The following SH3RF3 variants were observed in gnomAD, a reference collection of about 807,000 sequenced individuals.
SH3RF3 encodes the protein SH3 domain containing ring finger 3, also known as E3 ubiquitin-protein ligase SH3RF3.
Under a neutral mutation model 66.3 loss-of-function variants are expected in SH3RF3, and 29 were observed. The ratio of observed to expected loss-of-function variants is 0.44; its 90% confidence interval spans 0.33 to 0.60. The LOEUF (loss-of-function observed/expected upper bound fraction) is 0.60. SH3RF3 is among the 20% of genes least tolerant of loss of function. The probability of loss-of-function intolerance (pLI) is 0.04; values close to 1 mark genes in which losing one functional copy is unlikely to be tolerated. For missense variants in SH3RF3, 1,194 were observed against 1,190.9 expected (o/e 1.00, Z -0.04); for synonymous variants, 583 against 532.0 (o/e 1.10, Z -1.32).
intron 3 of SH3RF3, among the ~76,000 whole-genome samples, chr2:109,383,840 A>G (rs547020987): frequency 7.9e-5 from 12 of 152,282 alleles, no homozygotes; most frequent in African/African-American, 2.9e-4. Context: ...GTTTTCAGTG[A>G]TCAGTCCGTC....
chr2:109,225,539 C>T (rs1679354912), intron 1 of SH3RF3, among the ~76,000 whole-genome samples: 2 of 152,244 alleles, frequency 1.3e-5, no homozygotes, highest in South Asian at 4.1e-4. Flanking sequence ...GAGTTTTCTC[C>T]TGAGAGTTAG....
At chr2:109,133,722 ATTTTTTTTTT>A (rs35011575) in intron 1 of SH3RF3, among the ~76,000 whole-genome samples, 1 of 128,864 alleles carries the variant, frequency 7.8e-6, no homozygotes, top group African/African-American at 2.7e-5. Context: ...CCAAGGGACA[ATTTTTTTTTT>A]TTTTTTTTTG....
At chr2:109,276,392 G>A (rs913657023) in intron 1 of SH3RF3, among the ~76,000 whole-genome samples, 5 of 152,206 alleles carry the variant, frequency 3.3e-5, no homozygotes, top group African/African-American at 4.8e-5. Context: ...ACTGGGTGAT[G>A]GCCTGAGAGT....
intron 3 of SH3RF3, among the ~76,000 whole-genome samples, chr2:109,393,739 G>C (rs2104421405): frequency 6.6e-6 from 1 of 152,010 alleles, no homozygotes; most frequent in Non-Finnish European, 1.5e-5. Context: ...CTCCACTCTG[G>C]GTCAGTGCAG....
At chr2:109,406,761 A>AT (rs1393508289) in intron 4 of SH3RF3, among the ~76,000 whole-genome samples, 1 of 151,766 alleles carries the variant, frequency 6.6e-6, no homozygotes, top group African/African-American at 2.4e-5. Flanking sequence ...CTGGTGTAGA[A>AT]TGTCTCCAGG....
chr2:109,259,024 G>C (rs974449751), intron 1 of SH3RF3, among the ~76,000 whole-genome samples: 3 of 152,224 alleles, frequency 2.0e-5, no homozygotes, highest in Non-Finnish European at 2.9e-5. Context: ...TGTGTAGGCT[G>C]CCTCGGGAAG....
chr2:109,427,037 C>T (rs1385010703), intron 5 of SH3RF3, among the ~76,000 whole-genome samples: 1 of 152,006 alleles, frequency 6.6e-6, no homozygotes, highest in Non-Finnish European at 1.5e-5. Context: ...GGCATGATCT[C>T]AGCTCACTGG....
intron 1 of SH3RF3, among the ~76,000 whole-genome samples, chr2:109,190,655 C>G (rs1678329059): frequency 6.6e-6 from 1 of 152,108 alleles, no homozygotes; most frequent in South Asian, 2.1e-4. Context: ...CTTATTGTTT[C>G]ATTTCTACAG....
rs187484054 is a variant in SH3RF3, at chr2:109,219,145, C to A, written c.573+89032C>A. 5.3e-5 allele frequency among the ~76,000 whole-genome samples: 8 copies of A among 152,328 alleles called. No homozygotes were observed. The East Asian group carries it at 1.2e-3, about 22-fold the overall frequency. ...TGGAGTTCCACCTCTCTCGCTCACA[C>A]CCCATTCACAATGAGGATAGAGGGG... On this transcript the variant is annotated intron_variant, in intron 1 of 9. Coordinates refer to ENST00000309415, the MANE Select transcript of SH3RF3 (RefSeq NM_001099289.3).
In SH3RF3 at chr2:109,501,518, C is replaced by T. The variant is rs1461472157; in HGVS notation, c.2496C>T (p.Val832=). 1 of 778,528 alleles carries T rather than the reference C, an allele frequency of 1.3e-6. No homozygotes were observed. Among genetic ancestry groups the T allele is most frequent in the Non-Finnish European group, 2.4e-6 (1 of 417,090 alleles). The allele number at this position is 778,528 out of a possible 1,614,324, so 48.2% of individuals were successfully genotyped here. A position where few individuals can be genotyped will look rare whatever the true frequency, so the allele number is the denominator to read the frequency against. Reference sequence around the variant, plus strand: ...GTTTCCCCAGGTACCGCGTGGTGGTCTCGTACCCACCCCAGAGTGAGGCGG... The same window carrying T: ...GTTTCCCCAGGTACCGCGTGGTGGTTTCGTACCCACCCCAGAGTGAGGCGG... The part of the protein sequence containing the change: ...LLPRERYRVV[V]SYPPQSEAEI... Residue 832 remains valine (V), a synonymous_variant, in exon 10 of 10, where the codon GTC becomes GTT. Coordinates refer to ENST00000309415, the MANE Select transcript of SH3RF3 (RefSeq NM_001099289.3).
At chr2:109,263,456 A>C (rs545629375) in intron 1 of SH3RF3, among the ~76,000 whole-genome samples, 29 of 152,318 alleles carry the variant, frequency 1.9e-4, no homozygotes, top group African/African-American at 7.0e-4. Context: ...TAAGTAATGA[A>C]ATAGTAGCTA....
chr2:109,187,856 G>C (rs1392823950), intron 1 of SH3RF3, among the ~76,000 whole-genome samples: 1 of 152,184 alleles, frequency 6.6e-6, no homozygotes. Context: ...TTATCAGCAC[G>C]GACTGGGTGC....
At chr2:109,346,626 T>TC (rs397796442) in intron 1 of SH3RF3, among the ~76,000 whole-genome samples, 1 of 150,192 alleles carries the variant, frequency 6.7e-6, no homozygotes, top group African/African-American at 2.5e-5. Flanking sequence ...CAGATGGACT[T>TC]GATGAGACAG....
rs555308213 is a variant in SH3RF3 at position 109,195,896 on chromosome 2, C to T, written c.573+65783C>T. The stretch of plus-strand genomic sequence containing the variant: ...GGTCTCTCGAATTTCCCTTCCACCT[C>T]TCAGGGTTGCATTATCTCATTACTG... On this transcript the variant is annotated intron_variant, in intron 1 of 9. Coordinates refer to ENST00000309415, the MANE Select transcript of SH3RF3 (RefSeq NM_001099289.3). Among the ~76,000 whole-genome samples, 36 of 152,338 alleles carry T rather than the reference C, an allele frequency of 2.4e-4. 1 individual carries two copies. In the South Asian group the frequency reaches 6.2e-3, roughly 26 times the overall value.
chr2:109,211,440 G>A (rs1209745244), intron 1 of SH3RF3, among the ~76,000 whole-genome samples: 1 of 152,188 alleles, frequency 6.6e-6, no homozygotes, highest in Non-Finnish European at 1.5e-5. Flanking sequence ...AGCATGGAGC[G>A]GAAGGAGTAG....
intron 1 of SH3RF3, among the ~76,000 whole-genome samples, chr2:109,150,358 A>G (rs941049310): frequency 1.3e-5 from 2 of 152,168 alleles, no homozygotes; most frequent in Non-Finnish European, 1.5e-5. Flanking sequence ...AGGTGGTACA[A>G]GACCATGCTA....
intron 1 of SH3RF3, among the ~76,000 whole-genome samples, chr2:109,298,037 T>G (rs901609625): frequency 1.3e-5 from 2 of 152,084 alleles, no homozygotes; most frequent in Admixed American, 1.3e-4. Flanking sequence ...TGGTGCAGTG[T>G]GGGAACGTAC....
chr2:109,411,277 T>C (rs1480210577), intron 4 of SH3RF3, among the ~76,000 whole-genome samples: 2 of 152,228 alleles, frequency 1.3e-5, no homozygotes, highest in Non-Finnish European at 2.9e-5. Flanking sequence ...TGGAAGTCTG[T>C]GCCTTTACTC....
chr2:109,217,877 G>C (rs1449250000), intron 1 of SH3RF3, among the ~76,000 whole-genome samples: 2 of 152,150 alleles, frequency 1.3e-5, no homozygotes, highest in Non-Finnish European at 2.9e-5. Flanking sequence ...GGGGATCTCT[G>C]TTGTGGCCTG....
Sources: allele counts gnomAD v4.1 joint callset (sites outside exome capture counted in the v4.1 genomes callset), GRCh38; gene constraint gnomAD v4.1.1; transcripts MANE v1.5; gene names NCBI Gene and HGNC (gene_info 2026-07-23, HGNC 2026-07-21).